RABGAP1L: variants seen among roughly 807,000 people sequenced by gnomAD.
The protein encoded by RABGAP1L is RAB GTPase activating protein 1 like.
In RABGAP1L, 63 loss-of-function variants were observed where a neutral mutation model predicts 137.7. The observed-to-expected ratio is 0.46, with a 90% CI of 0.37 to 0.56. RABGAP1L has a LOEUF of 0.56. Among genes scored for constraint, RABGAP1L ranks in the 20% least tolerant of loss-of-function variants. The pLI, the probability that RABGAP1L is intolerant of heterozygous loss-of-function variation, is 0.00. For missense variants in RABGAP1L, 1,095 were observed against 1,244.0 expected, an observed-to-expected ratio of 0.88 and a Z score of 1.80; for synonymous variants, 431 against 433.7, an observed-to-expected ratio of 0.99 and a Z score of 0.08.
intron 7 of RABGAP1L, among the ~76,000 whole-genome samples, chr1:174,264,973 T>C (rs1332662981): frequency 2.0e-5 from 3 of 152,198 alleles, no homozygotes; most frequent in African/African-American, 7.2e-5. Flanking sequence ...GAATTCATCA[T>C]TTTTTGCCCA....
rs1203548935 is a variant in RABGAP1L at position 174,846,736 on chromosome 1, G to C, written c.2340+34776G>C. 3.9e-3 allele frequency among the ~76,000 whole-genome samples: 315 copies of C among 81,462 alleles called. 4 individuals are homozygous for C. Among genetic ancestry groups the C allele is most frequent in the African/African-American group, 9.5e-3 (297 of 31,352 alleles). The allele number at this position is 81,462 out of a possible 152,430, so 53.4% of individuals were successfully genotyped here. ...GGGGTGGAGAGTTCTGTAGATGTCTGTTAGGTCCGCTTGGTGCAGAGCTGA... is the reference window on the plus strand; with the variant it reads ...GGGGTGGAGAGTTCTGTAGATGTCTCTTAGGTCCGCTTGGTGCAGAGCTGA... On this transcript the variant is annotated intron_variant, in intron 19 of 25. Transcript: ENST00000681986.
intron 13 of RABGAP1L, among the ~76,000 whole-genome samples, chr1:174,473,157 T>C (rs1354008795): frequency 6.6e-6 from 1 of 152,136 alleles, no homozygotes; most frequent in African/African-American, 2.4e-5. Context: ...CCATGGAACA[T>C]AATTTTAGGT....
chr1:174,572,720 GT>G (rs1278974118), intron 13 of RABGAP1L, among the ~76,000 whole-genome samples: 4 of 152,062 alleles, frequency 2.6e-5, no homozygotes, highest in African/African-American at 9.7e-5. Context: ...ACAGCATATG[GT>G]TTTAAAAGCC....
In RABGAP1L at chr1:174,984,057, CAAAAAAAAAA is replaced by C. The variant is rs1163719976; in HGVS notation, c.2805+1164_2805+1173del. On this transcript the variant is annotated intron_variant, in intron 24 of 25. Transcript: ENST00000681986. ...TGAATTTTTTTTGTATTTCTTCTAA[CAAAAAAAAAA>C]AAAAAAAAAAAGGGATACATGTGCA... Among the ~76,000 whole-genome samples, 5 of 115,070 alleles carry C rather than the reference CAAAAAAAAAA, an allele frequency of 4.3e-5. No homozygotes were observed. The East Asian group carries it at 7.6e-4, about 17-fold the overall frequency. 75.5% of individuals were successfully genotyped at this position (115,070 alleles called of 152,430 possible). A position where few individuals can be genotyped will look rare whatever the true frequency, so the allele number is the denominator to read the frequency against.
intron 13 of RABGAP1L, among the ~76,000 whole-genome samples, chr1:174,634,627 C>T (rs868033836): frequency 9.3e-6 from 1 of 107,846 alleles, no homozygotes; most frequent in Non-Finnish European, 1.8e-5. Context: ...AGACTTGGAA[C>T]CAACCCAAAT....
chr1:174,616,816 C>T (rs1671923429), intron 13 of RABGAP1L, among the ~76,000 whole-genome samples: 1 of 152,146 alleles, frequency 6.6e-6, no homozygotes, highest in African/African-American at 2.4e-5. Context: ...AGTTTGTGGC[C>T]TTTTGCTGGT....
At chr1:174,834,538 G>A (rs1017271699) in intron 19 of RABGAP1L, among the ~76,000 whole-genome samples, 10 of 151,556 alleles carry the variant, frequency 6.6e-5, no homozygotes, top group African/African-American at 1.7e-4. Context: ...GGAGACAAAA[G>A]GCAAAGCCAG....
chr1:174,219,115 G>A lies in RABGAP1L; in HGVS notation c.-33-10G>A. ...TAGGTTTTTTTTTTTAATCCCTTTT[G>A]TTTTTCCAGGTGGTTGTGGGAAGAG... is the stretch of plus-strand genomic sequence containing the variant. On this transcript the variant is annotated splice_polypyrimidine_tract_variant and intron_variant, in intron 1 of 25. Transcript: ENST00000681986. The A allele has an allele frequency of 6.6e-7, 1 of 1,514,456 alleles. No individual in the cohort carries two copies. The highest frequency in any genetic ancestry group is 8.9e-7 in the Non-Finnish European group (1 of 1,125,188). 93.8% of individuals were successfully genotyped at this position (1,514,456 alleles called of 1,614,324 possible).
At chr1:174,439,259 C>G (rs1275587603) in intron 13 of RABGAP1L, among the ~76,000 whole-genome samples, 1 of 152,164 alleles carries the variant, frequency 6.6e-6, no homozygotes, top group East Asian at 1.9e-4. Context: ...TTTTGTAGTG[C>G]CACTAAATTA....
chr1:174,439,646 C>T (rs1272408541), intron 13 of RABGAP1L, among the ~76,000 whole-genome samples: 1 of 152,126 alleles, frequency 6.6e-6, no homozygotes, highest in Non-Finnish European at 1.5e-5. Context: ...ATTCCCCCTC[C>T]CACAATTGGG....
intron 12 of RABGAP1L, among the ~76,000 whole-genome samples, chr1:174,377,761 T>TCTG (rs753770112): frequency 9.7e-6 from 1 of 103,528 alleles, no homozygotes; most frequent in Admixed American, 8.3e-5. Flanking sequence ...CTGCAACTCT[T>TCTG]TTTTTTTTTT....
intron 15 of RABGAP1L, among the ~76,000 whole-genome samples, chr1:174,693,212 C>T (rs949728960): frequency 1.3e-5 from 2 of 152,146 alleles, no homozygotes; most frequent in African/African-American, 2.4e-5. Flanking sequence ...AAATCAGATC[C>T]GCTGCTGTAA....
At chr1:174,649,238 T>C (rs547790293) in intron 14 of RABGAP1L, among the ~76,000 whole-genome samples, 71 of 152,276 alleles carry the variant, frequency 4.7e-4, no homozygotes, top group African/African-American at 1.7e-3. Flanking sequence ...TTTGATCCTG[T>C]CGTTATGATG....
At chr1:174,928,434 C>T (rs1462219014) in intron 19 of RABGAP1L, among the ~76,000 whole-genome samples, 1 of 151,692 alleles carries the variant, frequency 6.6e-6, no homozygotes, top group Non-Finnish European at 1.5e-5. Context: ...GTATTCCTAA[C>T]ACAGTGAAGG....
chr1:174,785,037 A>G (rs1051512883), intron 18 of RABGAP1L, among the ~76,000 whole-genome samples: 1 of 152,196 alleles, frequency 6.6e-6, no homozygotes, highest in Non-Finnish European at 1.5e-5. Flanking sequence ...CAATATTTCC[A>G]TATGAGTGAT....
At chr1:174,509,647 A>G (rs1486746053) in intron 13 of RABGAP1L, among the ~76,000 whole-genome samples, 1 of 152,186 alleles carries the variant, frequency 6.6e-6, no homozygotes, top group Admixed American at 6.5e-5. Context: ...AGTGATTCCC[A>G]AACATATATT....
intron 19 of RABGAP1L, among the ~76,000 whole-genome samples, chr1:174,911,583 A>C (rs1401856725): frequency 6.6e-6 from 1 of 152,224 alleles, no homozygotes; most frequent in Non-Finnish European, 1.5e-5. Context: ...CCATCTTATT[A>C]AATTTCAAGG....
chr1:174,509,261 C>T (rs1662114552), intron 13 of RABGAP1L, among the ~76,000 whole-genome samples: 1 of 152,074 alleles, frequency 6.6e-6, no homozygotes, highest in South Asian at 2.1e-4. Flanking sequence ...AATTGTAATA[C>T]CTATTCTATA....
intron 19 of RABGAP1L, among the ~76,000 whole-genome samples, chr1:174,867,750 A>G (rs376712877): frequency 1.3e-5 from 2 of 152,100 alleles, no homozygotes; most frequent in African/African-American, 2.4e-5. Flanking sequence ...AGTTCAAGCA[A>G]TTCTCCTGCC....
Sources: allele counts gnomAD v4.1 joint callset (sites outside exome capture counted in the v4.1 genomes callset), GRCh38; gene constraint gnomAD v4.1.1; transcripts MANE v1.5; gene names NCBI Gene and HGNC (gene_info 2026-07-23, HGNC 2026-07-21).